Variants in ANO1 observed in about 807,000 individuals in gnomAD.
ANO1 encodes the protein anoctamin 1, also known as anoctamin-1.
A neutral mutation model predicts 124.0 loss-of-function variants in ANO1; 59 were observed. That is an observed-to-expected ratio of 0.48 (90% CI 0.39 to 0.59). ANO1 has a LOEUF of 0.59. Ranked by LOEUF, ANO1 falls within the 20% of genes least tolerant of loss-of-function variation. ANO1 has a pLI of 0.00. For synonymous variants in ANO1, 529 were observed against 532.0 expected (o/e 0.99, Z 0.08); for missense variants, 1,059 against 1,328.0 (o/e 0.80, Z 3.15).
intron 24 of ANO1, among the ~76,000 whole-genome samples, chr11:70,184,182 C>G (rs746536682): frequency 9.9e-5 from 15 of 152,210 alleles, no homozygotes; most frequent in Non-Finnish European, 2.1e-4. Flanking sequence ...TTTTCCAATG[C>G]AGGGTGGGGA....
intron 1 of ANO1, among the ~76,000 whole-genome samples, chr11:70,002,623 T>C (rs1856407085): frequency 6.6e-6 from 1 of 152,228 alleles, no homozygotes; most frequent in South Asian, 2.1e-4. Flanking sequence ...AAGAACACTC[T>C]ATGTTCACAC....
intron 2 of ANO1, among the ~76,000 whole-genome samples, chr11:70,101,446 C>T (rs1285789125): frequency 2.0e-5 from 3 of 151,908 alleles, no homozygotes; most frequent in African/African-American, 7.3e-5. Flanking sequence ...ATCCCAGCTA[C>T]TCAGGAGGCT....
chr11:70,081,839 A>G lies in ANO1; in HGVS notation c.108+3125A>G, dbSNP rs578129949. 3.9e-5 allele frequency among the ~76,000 whole-genome samples: 6 copies of G among 152,314 alleles called. No homozygotes were observed. The South Asian group carries it at 1.0e-3, about 26-fold the overall frequency. On this transcript the variant is annotated intron_variant, in intron 1 of 25. Coordinates refer to ENST00000355303, the MANE Select transcript of ANO1 (RefSeq NM_018043.7). Reference sequence around the variant, plus strand: ...TGGCGCCTGGGACAGGTCTTCCAGGACACTCCTGCTGTGAAGGGAACCTTT... The same window carrying G: ...TGGCGCCTGGGACAGGTCTTCCAGGGCACTCCTGCTGTGAAGGGAACCTTT...
Position 70,155,847 on chromosome 11 carries a change from C to T in ANO1, c.1426-64C>T, listed in dbSNP as rs1179910333. The T allele has an allele frequency of 2.8e-6, 4 of 1,440,408 alleles. No homozygotes were observed. The East Asian group carries it at 8.2e-5, about 30-fold the overall frequency. The allele number at this position is 1,440,408 out of a possible 1,614,324, so 89.2% of individuals were successfully genotyped here. On this transcript the variant is annotated intron_variant, in intron 14 of 25. Coordinates refer to ENST00000355303, the MANE Select transcript of ANO1 (RefSeq NM_018043.7). ...AAGATGGGGACGGTTCCCTGGGCCC[C>T]GCGGTCTGCGGTGCCGCCTCCCACT...
At chr11:70,029,784 C>G (rs1856969448) in intron 1 of ANO1, among the ~76,000 whole-genome samples, 1 of 152,160 alleles carries the variant, frequency 6.6e-6, no homozygotes, top group African/African-American at 2.4e-5. Context: ...GGGGCAGGGC[C>G]CTTCCTGCCT....
At chr11:70,177,722 C>T (rs1189009668) in intron 22 of ANO1, among the ~76,000 whole-genome samples, 4 of 151,716 alleles carry the variant, frequency 2.6e-5, no homozygotes, top group South Asian at 2.1e-4. Flanking sequence ...GCCTCAGCCT[C>T]CTGAGTAGCT....
At chr11:70,147,490 G>C (rs557538754) in intron 11 of ANO1, among the ~76,000 whole-genome samples, 49 of 152,314 alleles carry the variant, frequency 3.2e-4, no homozygotes, top group Non-Finnish European at 5.6e-4. Flanking sequence ...TGAGTGGCTG[G>C]GTTTCCAGCA....
chr11:70,161,653 G>A lies in ANO1; in HGVS notation c.1812G>A (p.Glu604=). 2.5e-6 allele frequency: 4 copies of A among 1,614,028 alleles called. No individual in the cohort carries two copies. The highest frequency in any genetic ancestry group is 2.5e-6 in the Non-Finnish European group (3 of 1,179,888). Residue 604 remains glutamate, a synonymous_variant, in exon 18 of 26, where the codon GAG becomes GAA. Coordinates refer to ENST00000355303, the MANE Select transcript of ANO1 (RefSeq NM_018043.7). ...EVPKTEKSFE[E]RLIFKAFLLK... The stretch of plus-strand genomic sequence containing the variant: ...CAAAGACGGAGAAAAGCTTTGAGGA[G>A]AGGCTGATCTTCAAGGCTTTCCTGC...
intron 8 of ANO1, among the ~76,000 whole-genome samples, chr11:70,123,421 G>T (rs1034830579): frequency 6.6e-6 from 1 of 152,330 alleles, no homozygotes; most frequent in East Asian, 1.9e-4. Flanking sequence ...TCAGGCACGC[G>T]AGGCTATGTC....
intron 1 of ANO1, among the ~76,000 whole-genome samples, chr11:70,029,410 C>A (rs1226736462): frequency 6.6e-6 from 1 of 152,208 alleles, no homozygotes; most frequent in Non-Finnish European, 1.5e-5. Context: ...GCTTCAAGAG[C>A]CATTTGTAGG....
Position 70,170,919 on chromosome 11 carries a change from G to T in ANO1, c.2230G>T (p.Ala744Ser). The T allele has an allele frequency of 6.2e-7, 1 of 1,613,370 alleles. No individual in the cohort carries two copies. The highest frequency in any genetic ancestry group is 8.5e-7 in the Non-Finnish European group (1 of 1,179,670). Residue 744 changes from alanine (A) to serine (S), a missense_variant, in exon 22 of 26, where the codon GCC becomes TCC. This residue lies in a region of ANO1 where 809 missense variants were observed against 1,094.9 expected (regional missense o/e 0.74). Transcript: ENST00000355303. ...GTTTGGCTTCGTCACCCTGTTTGTC[G>T]CCTCCTTCCCCCTGGCCCCACTGTT... The part of the protein sequence containing the change: ...IQFGFVTLFV[A>S]SFPLAPLFAL...
chr11:70,019,720 G>T (rs1049161218), intron 1 of ANO1, among the ~76,000 whole-genome samples: 1 of 152,218 alleles, frequency 6.6e-6, no homozygotes, highest in African/African-American at 2.4e-5. Flanking sequence ...ACTGTCTGGG[G>T]CTGGCTCTTC....
chr11:70,042,205 T>C (rs966484053), intron 1 of ANO1, among the ~76,000 whole-genome samples: 3 of 151,910 alleles, frequency 2.0e-5, no homozygotes, highest in Non-Finnish European at 2.9e-5. Context: ...ACAGACAAAA[T>C]ATAGGAAGCA....
intron 11 of ANO1, among the ~76,000 whole-genome samples, chr11:70,133,658 G>C (rs1338453670): frequency 6.6e-6 from 1 of 152,212 alleles, no homozygotes; most frequent in Non-Finnish European, 1.5e-5. Flanking sequence ...GGCTGCATTC[G>C]GGGCTGGTGT....
At chr11:70,152,915 G>T in intron 13 of ANO1, 142 bp from the exon 14 acceptor site, 1 of 698,798 alleles carries the variant, frequency 1.4e-6, no homozygotes, top group Non-Finnish European at 2.4e-6. Context: ...GATTACACTG[G>T]AAATATTCAG....
At chr11:70,076,511 C>T (rs2044059612), upstream of ANO1, among the ~76,000 whole-genome samples, 1 of 152,000 alleles carries the variant, frequency 6.6e-6, no homozygotes, top group South Asian at 2.1e-4. Context: ...TTTGAAAAGA[C>T]AGTACATTAG....
At chr11:69,968,155 T>C in the ANO1 span, among the ~76,000 whole-genome samples, 1 of 152,268 alleles carries the variant, frequency 6.6e-6, no homozygotes, top group African/African-American at 2.4e-5. Flanking sequence ...CTGACCACCT[T>C]CCCCTGGCCC....
At chr11:70,120,271 A>G (rs1386031590) in intron 8 of ANO1, among the ~76,000 whole-genome samples, 2 of 152,114 alleles carry the variant, frequency 1.3e-5, no homozygotes, top group Non-Finnish European at 2.9e-5. Context: ...TGGGGCCACA[A>G]ACATGTAGGA....
At chr11:70,184,904 G>A (rs2049052539) in intron 24 of ANO1, among the ~76,000 whole-genome samples, 1 of 152,056 alleles carries the variant, frequency 6.6e-6, no homozygotes, top group Non-Finnish European at 1.5e-5. Context: ...GCACTGCCAG[G>A]CCCGGCTAAT....
Sources: allele counts gnomAD v4.1 joint callset (sites outside exome capture counted in the v4.1 genomes callset), GRCh38; gene constraint gnomAD v4.1.1; regional missense constraint gnomAD v4.1.1; transcripts MANE v1.5; gene names NCBI Gene and HGNC (gene_info 2026-07-23, HGNC 2026-07-21).